The following RALGAPB variants were observed in gnomAD, a reference collection of about 807,000 sequenced individuals.
The protein encoded by RALGAPB is ral GTPase-activating protein subunit beta.
RALGAPB carries 25 observed loss-of-function variants against 161.1 expected under a neutral mutation model. That is an observed-to-expected ratio of 0.16 (90% CI 0.11 to 0.22). The LOEUF is 0.22. Ranked by LOEUF, RALGAPB falls within the 10% of genes least tolerant of loss-of-function variation. The pLI is 1.00. For synonymous variants in RALGAPB, 629 were observed against 626.1 expected, an observed-to-expected ratio of 1.00 and a Z score of -0.07; for missense variants, 1,391 against 1,815.2, an observed-to-expected ratio of 0.77 and a Z score of 4.25.
chr20:38,531,073 T>C, intron 13 of RALGAPB, 94 bp from the exon 14 acceptor site: 7 of 1,112,106 alleles, frequency 6.3e-6, no homozygotes, highest in East Asian at 2.6e-5. Context: ...ACCAAAATTA[T>C]ATTCTTATCT....
intron 16 of RALGAPB, among the ~76,000 whole-genome samples, chr20:38,535,512 A>T (rs758155224): frequency 6.6e-6 from 1 of 151,724 alleles, no homozygotes; most frequent in Non-Finnish European, 1.5e-5. Context: ...GTAAAAAATG[A>T]TTATCCTAAT....
At chr20:38,474,762 T>TTTAA (rs1201386632) in intron 1 of RALGAPB, among the ~76,000 whole-genome samples, 1 of 152,210 alleles carries the variant, frequency 6.6e-6, no homozygotes, top group Non-Finnish European at 1.5e-5. Flanking sequence ...TATGAGAAGC[T>TTTAA]TTAGGGCAGG....
rs555685859 is a variant in RALGAPB, at chr20:38,574,962, T to A, written c.4480T>A (p.Ser1494Thr). The change falls in exon 30 of 30, where the codon TCT becomes ACT. Residue 1494 changes from serine to threonine, a missense_variant. Physicochemically the swap from Ser to Thr is moderately conservative, Grantham distance 58. Coordinates refer to ENST00000262879, the MANE Select transcript of RALGAPB (RefSeq NM_020336.4). ...FQEVGLKNCS[S>T] Reference sequence around the variant, plus strand: ...GGAGGTTGGACTCAAGAACTGCAGTTCTTAGACCACTGAATTTCTAAGACT... The same window carrying A: ...GGAGGTTGGACTCAAGAACTGCAGTACTTAGACCACTGAATTTCTAAGACT... The A allele has an allele frequency of 3.7e-6, 6 of 1,607,376 alleles. No homozygotes were observed. Among genetic ancestry groups the A allele is most frequent in the Admixed American group, 1.7e-5 (1 of 60,016 alleles).
chr20:38,530,672 C>G (rs2086626497), intron 13 of RALGAPB, among the ~76,000 whole-genome samples: 1 of 151,314 alleles, frequency 6.6e-6, no homozygotes, highest in South Asian at 2.1e-4. Flanking sequence ...TTTCGGCTCA[C>G]TGCAACCTCC....
At chr20:38,532,596 A>C in intron 14 of RALGAPB, 134 bp from the exon 15 acceptor site, 1 of 1,081,020 alleles carries the variant, frequency 9.3e-7, no homozygotes, top group Non-Finnish European at 1.3e-6. Flanking sequence ...ATCCCTTGTC[A>C]ATTTCTGTTA....
intron 1 of RALGAPB, among the ~76,000 whole-genome samples, chr20:38,485,682 C>T (rs2085092770): frequency 6.6e-6 from 1 of 152,104 alleles, no homozygotes; most frequent in Admixed American, 6.5e-5. Context: ...CCGCCTCGGC[C>T]TCCCAAAGTA....
chr20:38,570,887 T>C (rs2088207465), intron 28 of RALGAPB, 40 bp downstream of exon 28: 1 of 1,311,726 alleles, frequency 7.6e-7, no homozygotes, highest in African/African-American at 1.5e-5. Flanking sequence ...CGTGTCTTTT[T>C]TTAACATATT....
intron 2 of RALGAPB, among the ~76,000 whole-genome samples, chr20:38,490,902 C>T (rs1391085125): frequency 6.6e-6 from 1 of 152,222 alleles, no homozygotes; most frequent in Non-Finnish European, 1.5e-5. Context: ...TCCTTGGCCT[C>T]CCAAAGTGCT....
At chr20:38,529,541 T>C (rs1268478352) in intron 13 of RALGAPB, among the ~76,000 whole-genome samples, 1 of 143,344 alleles carries the variant, frequency 7.0e-6, no homozygotes, top group East Asian at 2.1e-4. Flanking sequence ...AAAATAAAAA[T>C]AAAAATAAAG....
intron 6 of RALGAPB, among the ~76,000 whole-genome samples, chr20:38,513,269 C>G (rs112245113): frequency 1.3e-5 from 2 of 151,694 alleles, no homozygotes; most frequent in African/African-American, 4.8e-5. Flanking sequence ...TTTGGGAGGC[C>G]AAGGTGGGCG....
At chr20:38,565,329 C>T (rs539568513) in intron 24 of RALGAPB, 30 bp from the exon 25 acceptor site, 17 of 1,601,786 alleles carry the variant, frequency 1.1e-5, no homozygotes, top group Admixed American at 5.2e-5. Context: ...CTTTTTGAAG[C>T]GGTAATGTAG....
chr20:38,526,111 G>A (rs2086458332), intron 13 of RALGAPB, 69 bp downstream of exon 13: 45 of 1,536,036 alleles, frequency 2.9e-5, no homozygotes, highest in South Asian at 2.7e-4. Context: ...CTGAGGAGGC[G>A]GCAGTCGGTA....
intron 29 of RALGAPB, 43 bp downstream of exon 29, chr20:38,574,341 C>CT: frequency 6.5e-7 from 1 of 1,542,568 alleles, no homozygotes; most frequent in Non-Finnish European, 8.7e-7. Flanking sequence ...TTTTCTTTTT[C>CT]TTTATCATTT....
chr20:38,499,846 T>G, intron 5 of RALGAPB: 1 of 366,254 alleles, frequency 2.7e-6, no homozygotes, highest in Non-Finnish European at 4.8e-6. Flanking sequence ...AACAGATAAA[T>G]TTTATACCCT....
chr20:38,558,562 T>C lies in RALGAPB; in HGVS notation c.3531+109T>C, dbSNP rs575938610. On this transcript the variant is annotated intron_variant, in intron 23 of 29. Transcript: ENST00000262879. ...ATGGAGAGTTTATTTGGGCCAGAGTTGAGGACTGCAGCCTGGGAAGTGCTG... is the reference window on the plus strand; with the variant it reads ...ATGGAGAGTTTATTTGGGCCAGAGTCGAGGACTGCAGCCTGGGAAGTGCTG... 178 of 1,034,946 alleles carry C rather than the reference T, an allele frequency of 1.7e-4. 2 individuals are homozygous for C. The South Asian group carries it at 4.1e-3, about 24-fold the overall frequency. The allele number at this position is 1,034,946 out of a possible 1,614,324, so 64.1% of individuals were successfully genotyped here.
At chr20:38,519,201 AT>A (rs1163402688) in intron 9 of RALGAPB, among the ~76,000 whole-genome samples, 1 of 152,108 alleles carries the variant, frequency 6.6e-6, no homozygotes, top group Non-Finnish European at 1.5e-5. Flanking sequence ...TCATATTATA[AT>A]TTTATCCACA....
intron 13 of RALGAPB, among the ~76,000 whole-genome samples, chr20:38,529,417 C>T (rs1018512822): frequency 6.6e-6 from 1 of 151,354 alleles, no homozygotes; most frequent in Non-Finnish European, 1.5e-5. Flanking sequence ...ACTTGGGAGG[C>T]TGAGATAGGA....
At chr20:38,547,289 C>T (rs965634062) in intron 19 of RALGAPB, 3 of 151,970 alleles carry the variant, frequency 2.0e-5, no homozygotes, top group Non-Finnish European at 4.4e-5. Flanking sequence ...GAAGCATGTT[C>T]TCAGACCCTT....
At chr20:38,562,498 C>A in intron 23 of RALGAPB, 34 bp from the exon 24 acceptor site, 1 of 1,502,348 alleles carries the variant, frequency 6.7e-7, no homozygotes, top group South Asian at 1.3e-5. Context: ...ATTTTGTTTC[C>A]TTCATTATAG....
Sources: gnomAD v4.1 joint callset for allele counts (sites outside exome capture counted in the v4.1 genomes callset) on GRCh38, gnomAD v4.1.1 for gene constraint, MANE v1.5 for transcripts, NCBI Gene and HGNC (gene_info 2026-07-23, HGNC 2026-07-21) for gene names.